The following PPARA variants were observed in gnomAD, a reference collection of about 807,000 sequenced individuals.
PPARA encodes peroxisome proliferator-activated receptor alpha.
In PPARA, 22 loss-of-function variants were observed where a neutral mutation model predicts 42.2. That is an observed-to-expected ratio of 0.52 (90% CI 0.37 to 0.74). PPARA has a LOEUF of 0.74. Ranked by LOEUF, PPARA falls within the 30% of genes least tolerant of loss-of-function variation. PPARA has a pLI of 0.00. For missense variants in PPARA, 465 were observed against 608.2 expected, an observed-to-expected ratio of 0.76 and a Z score of 2.48; for synonymous variants, 242 against 239.3, an observed-to-expected ratio of 1.01 and a Z score of -0.10.
At chr22:46,152,536 C>G (rs541121089) in intron 2 of PPARA, among the ~76,000 whole-genome samples, 2 of 152,296 alleles carry the variant, frequency 1.3e-5, no homozygotes, top group South Asian at 4.1e-4. Flanking sequence ...ATGACATTAA[C>G]TTTGAGAAAC....
chr22:46,172,009 TTGGG>T (rs1414004943), intron 2 of PPARA, among the ~76,000 whole-genome samples: 2 of 151,994 alleles, frequency 1.3e-5, no homozygotes, highest in Admixed American at 1.3e-4. Context: ...CTCCACCGCG[TTGGG>T]TGTAGGAAGA....
At chr22:46,201,830 C>T (rs1053360409) in intron 4 of PPARA, among the ~76,000 whole-genome samples, 1 of 152,134 alleles carries the variant, frequency 6.6e-6, no homozygotes, top group Admixed American at 6.5e-5. Flanking sequence ...GCTGGTTCAC[C>T]GTTTTCCTAT....
At position 46,171,082 on chromosome 22, in the gene PPARA, G is replaced by C. The variant is rs922695224; in HGVS notation, c.-126-5671G>C. Among the ~76,000 whole-genome samples, 14 of 151,992 alleles carry C rather than the reference G, an allele frequency of 9.2e-5. No individual in the cohort carries two copies. Among genetic ancestry groups the C allele is most frequent in the Admixed American group, 5.9e-4 (9 of 15,268 alleles). ...AGGCTGAGGCAGGAGAATTGCTTGA[G>C]CCCAGGAGGCAGAGATCGCAGTGAG... On this transcript the variant is annotated intron_variant, in intron 2 of 8. Transcript: ENST00000407236. This position sits in a 1 kb window ranked among gnomAD's most constrained non-coding sequence, Gnocchi z 5.0.
At chr22:46,185,894 C>CAAAAAAAAAAAAAAAAAAAAA (rs1279499029) in intron 3 of PPARA, among the ~76,000 whole-genome samples, 7 of 20,862 alleles carry the variant, frequency 3.4e-4, no homozygotes, top group East Asian at 2.7e-3. Flanking sequence ...GACTCCGTCT[C>CAAAAAAAAAAAAAAAAAAAAA]CAAAAAAAAA....
rs375277274 is a variant in PPARA, at chr22:46,198,602, C to T, written c.208+11C>T. The T allele has an allele frequency of 3.7e-6, 6 of 1,610,358 alleles. No individual in the cohort carries two copies. Among genetic ancestry groups the T allele is most frequent in the East Asian group, 2.2e-5 (1 of 44,782 alleles). The stretch of plus-strand genomic sequence containing the variant: ...GCTCGGTCATCACGGGTAAGTGTGC[C>T]GTTTCCTAGAAAGTTTTATTTAGAA... On this transcript the variant is annotated intron_variant, in intron 4 of 8. Transcript: ENST00000407236.
intron 4 of PPARA, among the ~76,000 whole-genome samples, chr22:46,207,643 AT>A (rs1289525333): frequency 3.0e-5 from 3 of 99,830 alleles, no homozygotes; most frequent in East Asian, 5.4e-4. Context: ...TAATTAATTA[AT>A]TTATTATTAT....
chr22:46,196,957 G>A lies in PPARA; in HGVS notation c.-42-1385G>A, dbSNP rs1392410306. Among the ~76,000 whole-genome samples, 4 of 151,898 alleles carry A rather than the reference G, an allele frequency of 2.6e-5. No homozygotes were observed. Among genetic ancestry groups the A allele is most frequent in the Admixed American group, 6.6e-5 (1 of 15,230 alleles). On this transcript the variant is annotated intron_variant, in intron 3 of 8. Coordinates refer to ENST00000407236, the MANE Select transcript of PPARA (RefSeq NM_005036.6). The surrounding 1 kb of genome is among the most constrained non-coding windows in gnomAD (Gnocchi z 5.6). ...AAGCTGCCCTCCAACTCCTGACCTC[G>A]TGATCTGCCCACCTGGGCCTCCCAA...
intron 2 of PPARA, among the ~76,000 whole-genome samples, chr22:46,154,676 T>A (rs1455845255): frequency 2.0e-5 from 3 of 151,974 alleles, no homozygotes. Context: ...TTTATTTATT[T>A]ATTTATTTAT....
rs1044847703 is a variant in PPARA at position 46,188,609 on chromosome 22, C to G, written c.-42-9733C>G. 7.2e-5 allele frequency: 11 copies of G among 152,230 alleles called. No individual in the cohort carries two copies. The highest frequency in any genetic ancestry group is 2.0e-4 in the Admixed American group (3 of 15,276). The allele number at this position is 152,230 out of a possible 1,614,324, so 9.4% of individuals were successfully genotyped here. On this transcript the variant is annotated intron_variant, in intron 3 of 8. Transcript: ENST00000407236. The surrounding 1 kb of genome is among the most constrained non-coding windows in gnomAD (Gnocchi z 5.0). ...ATAAATGGGACCAATAATACCTACC[C>G]TGCCCTGGCGTGGATAGATTAAAGA...
intron 2 of PPARA, among the ~76,000 whole-genome samples, chr22:46,157,596 T>G (rs1925512926): frequency 6.6e-6 from 1 of 152,226 alleles, no homozygotes; most frequent in Non-Finnish European, 1.5e-5. Context: ...AGAATTTTTA[T>G]AAGATGACCT....
rs1929724654 is a variant in PPARA, at chr22:46,180,053, C to A, written c.-43+3217C>A. Among the ~76,000 whole-genome samples the A allele has an allele frequency of 6.6e-6, 1 of 152,204 alleles. No homozygotes were observed. The highest frequency in any genetic ancestry group is 1.5e-5 in the Non-Finnish European group (1 of 68,048). The stretch of plus-strand genomic sequence containing the variant: ...CTTACACAGTGGTGGTATGATACCA[C>A]TACATGCCCATTTGAATGGCCAAAA... On this transcript the variant is annotated intron_variant, in intron 3 of 8. Coordinates refer to ENST00000407236, the MANE Select transcript of PPARA (RefSeq NM_005036.6). The surrounding 1 kb of genome is among the most constrained non-coding windows in gnomAD (Gnocchi z 4.2).
At position 46,225,049 on chromosome 22, in the gene PPARA, G is replaced by A. The variant is rs993792366; in HGVS notation, c.711+5035G>A. Among the ~76,000 whole-genome samples the A allele has an allele frequency of 2.6e-5, 4 of 152,100 alleles. No individual in the cohort carries two copies. Among genetic ancestry groups the A allele is most frequent in the Non-Finnish European group, 2.9e-5 (2 of 68,006 alleles). On this transcript the variant is annotated intron_variant, in intron 7 of 8. Coordinates refer to ENST00000407236, the MANE Select transcript of PPARA (RefSeq NM_005036.6). The surrounding 1 kb of genome is among the most constrained non-coding windows in gnomAD (Gnocchi z 4.1). The stretch of plus-strand genomic sequence containing the variant: ...GGAGGCTTGGGTCGGGGTTGGAACC[G>A]GCCAGGGTGCACGGAGGAGGCTGTG...
intron 2 of PPARA, among the ~76,000 whole-genome samples, chr22:46,168,728 C>T (rs135538): frequency 6.6e-6 from 1 of 151,640 alleles, no homozygotes; most frequent in Non-Finnish European, 1.5e-5. Flanking sequence ...CATCTCTCTT[C>T]GTAGAAAGAT....
rs1490540884 is a variant in PPARA at position 46,239,050 on chromosome 22, G to A, written c.*3670G>A. The A allele has an allele frequency of 6.6e-6, 1 of 152,178 alleles. No homozygotes were observed. The highest frequency in any genetic ancestry group is 1.5e-5 in the Non-Finnish European group (1 of 68,062). 9.4% of individuals were successfully genotyped at this position (152,178 alleles called of 1,614,324 possible). A position where few individuals can be genotyped will look rare whatever the true frequency, so the allele number is the denominator to read the frequency against. On this transcript the variant is annotated 3_prime_UTR_variant, in exon 9 of 9. Transcript: ENST00000407236. ...ATACGAACATAATGGACGTGAAGTG[G>A]GGCAGAAACCCAGAACTCAGCATTC... is the stretch of plus-strand genomic sequence containing the variant.
At chr22:46,206,922 G>A (rs185943752) in intron 4 of PPARA, among the ~76,000 whole-genome samples, 1 of 152,094 alleles carries the variant, frequency 6.6e-6, no homozygotes, top group East Asian at 1.9e-4. Flanking sequence ...CTTCATTCTA[G>A]AAAGTATGTG....
At chr22:46,159,911 T>C (rs1925896896) in intron 2 of PPARA, among the ~76,000 whole-genome samples, 1 of 152,222 alleles carries the variant, frequency 6.6e-6, no homozygotes, top group Non-Finnish European at 1.5e-5. Flanking sequence ...GGGTGCCTAG[T>C]GAATTCCTCC....
intron 3 of PPARA, among the ~76,000 whole-genome samples, chr22:46,181,612 G>A (rs150768074): frequency 6.6e-6 from 1 of 152,292 alleles, no homozygotes; most frequent in Non-Finnish European, 1.5e-5. Flanking sequence ...TGAGGGTTCT[G>A]TGTGAAGTGG....
In PPARA at chr22:46,219,311, C is replaced by T. The variant is rs1934802139; in HGVS notation, c.509-501C>T. ...AAAATGACAGAATGTTCACCTCGTC[C>T]ATAGGAAGGGTGTACCACCTCAAAC... On this transcript the variant is annotated intron_variant, in intron 6 of 8. Coordinates refer to ENST00000407236, the MANE Select transcript of PPARA (RefSeq NM_005036.6). This position sits in a 1 kb window ranked among gnomAD's most constrained non-coding sequence, Gnocchi z 4.8. 6.6e-6 allele frequency among the ~76,000 whole-genome samples: 1 copy of T among 152,198 alleles called. No individual in the cohort carries two copies. Among genetic ancestry groups the T allele is most frequent in the African/African-American group, 2.4e-5 (1 of 41,446 alleles).
chr22:46,198,651 G>GTT, intron 4 of PPARA, 60 bp downstream of exon 4: 1 of 972,212 alleles, frequency 1.0e-6, no homozygotes, highest in Non-Finnish European at 1.5e-6. Context: ...CAAGAAAACT[G>GTT]TTCTCTCTTT....
Sources: gnomAD v4.1 joint callset for allele counts (sites outside exome capture counted in the v4.1 genomes callset) on GRCh38, gnomAD v4.1.1 for gene constraint, Gnocchi (gnomAD v3.1) non-coding constraint, MANE v1.5 for transcripts, NCBI Gene and HGNC (gene_info 2026-07-23, HGNC 2026-07-21) for gene names.